The following EGFR variants were observed in gnomAD, a reference collection of about 807,000 sequenced individuals.
EGFR encodes the protein epidermal growth factor receptor.
EGFR carries 58 observed loss-of-function variants against 143.0 expected under a neutral mutation model. The observed-to-expected ratio is 0.41, with a 90% confidence interval of 0.33 to 0.50. The LOEUF (loss-of-function observed/expected upper bound fraction) is 0.50. EGFR is among the 20% of genes least tolerant of loss of function. The pLI is 0.39. For synonymous variants in EGFR, 613 were observed against 594.4 expected, an observed-to-expected ratio of 1.03 and a Z score of -0.45; for missense variants, 1,307 against 1,579.0, an observed-to-expected ratio of 0.83 and a Z score of 2.92.
rs1443821584 is a variant in EGFR, at chr7:55,166,828, G to A, written c.1880+1391G>A. On this transcript the variant is annotated intron_variant, in intron 15 of 27. Coordinates refer to ENST00000275493, the MANE Select transcript of EGFR (RefSeq NM_005228.5). ...GTGGTGAGGAGGTGGGAGTCACAAT[G>A]GTGGCAGTGTTGGTGGTGAGGAGGT... is the stretch of plus-strand genomic sequence containing the variant. Among the ~76,000 whole-genome samples, 15 of 122,530 alleles carry A rather than the reference G, an allele frequency of 1.2e-4. 1 individual carries two copies. Among genetic ancestry groups the A allele is most frequent in the African/African-American group, 4.3e-4 (14 of 32,830 alleles). The allele number at this position is 122,530 out of a possible 152,430, so 80.4% of individuals were successfully genotyped here. A position where few individuals can be genotyped will look rare whatever the true frequency, so the allele number is the denominator to read the frequency against.
intron 27 of EGFR, 120 bp from the exon 28 acceptor site, chr7:55,205,136 G>C: frequency 3.4e-6 from 5 of 1,485,372 alleles, no homozygotes; most frequent in Non-Finnish European, 4.5e-6. Context: ...CCCTCCCGAG[G>C]CTCCTGCTCC....
intron 22 of EGFR, among the ~76,000 whole-genome samples, chr7:55,197,230 T>G (rs933529150): frequency 1.3e-5 from 2 of 152,236 alleles, no homozygotes; most frequent in African/African-American, 2.4e-5. Context: ...TTCACTTTCC[T>G]GGTTTACTGT....
chr7:55,125,748 C>T (rs934302410), intron 1 of EGFR, among the ~76,000 whole-genome samples: 1 of 152,246 alleles, frequency 6.6e-6, no homozygotes, highest in Non-Finnish European at 1.5e-5. Flanking sequence ...AGCACCTGTG[C>T]GCTACAGGGC....
intron 1 of EGFR, among the ~76,000 whole-genome samples, chr7:55,139,553 T>G (rs1291418902): frequency 6.6e-6 from 1 of 152,164 alleles, no homozygotes; most frequent in Non-Finnish European, 1.5e-5. Flanking sequence ...GAAACAACCT[T>G]ATGTGTTTTC....
In EGFR at chr7:55,157,323, A is replaced by G. The variant is rs17336681; in HGVS notation, c.1208-340A>G. 1.7e-3 allele frequency among the ~76,000 whole-genome samples: 254 copies of G among 152,370 alleles called. 4 individuals carry two copies. Among genetic ancestry groups the G allele is most frequent in the African/African-American group, 5.8e-3 (243 of 41,590 alleles). On this transcript the variant is annotated intron_variant, in intron 10 of 27. Transcript: ENST00000275493. Reference sequence around the variant, plus strand: ...AAGGAAAATTTGTAAAGCTCCTTGTATGTGATACCAGATCCACAATTGGCA... The same window carrying G: ...AAGGAAAATTTGTAAAGCTCCTTGTGTGTGATACCAGATCCACAATTGGCA...
intron 19 of EGFR, chr7:55,181,031 A>C: frequency 1.7e-6 from 1 of 577,752 alleles, no homozygotes; most frequent in Non-Finnish European, 3.1e-6. Flanking sequence ...TGTGCTCCTC[A>C]TGGCCACTGT....
rs2128853258 is a variant in EGFR, at chr7:55,019,273, C to A, written c.-5C>A. On this transcript the variant is annotated 5_prime_UTR_variant, in exon 1 of 28. Transcript: ENST00000275493. ...GAGCCGGAGCGAGCTCTTCGGGGAG[C>A]AGCGATGCGACCCTCCGGGACGGCC... 1 of 1,497,702 alleles carries A rather than the reference C, an allele frequency of 6.7e-7. No homozygotes were observed. The highest frequency in any genetic ancestry group is 1.4e-5 in the African/African-American group (1 of 69,154). 92.8% of individuals were successfully genotyped at this position (1,497,702 alleles called of 1,614,324 possible).
At chr7:55,181,622 TC>T in intron 20 of EGFR, 144 bp downstream of exon 20, 2 of 979,236 alleles carry the variant, frequency 2.0e-6, no homozygotes, top group Non-Finnish European at 3.1e-6. Context: ...TATTTTGGAT[TC>T]AATCAAGTTG....
At chr7:55,156,364 G>T (rs41395746) in intron 8 of EGFR, among the ~76,000 whole-genome samples, 169 bp from the exon 9 acceptor site, 1 of 152,150 alleles carries the variant, frequency 6.6e-6, no homozygotes, top group Non-Finnish European at 1.5e-5. Context: ...CCCCCTTCCC[G>T]CCTGCACTCT....
At position 55,146,805 on chromosome 7, in the gene EGFR, G is replaced by A. The variant is rs1794790129; in HGVS notation, c.559+65G>A. ...ATGGGGGACAGCTCTACAGCACTGG[G>A]GCAGGGGAGAGAAGCCATGTTTAGT... On this transcript the variant is annotated intron_variant, in intron 4 of 27. Transcript: ENST00000275493. The A allele has an allele frequency of 4.4e-6, 7 of 1,607,978 alleles. No homozygotes were observed. In the East Asian group the frequency reaches 1.1e-4, roughly 26 times the overall value.
chr7:55,166,689 TGGTGATGGTGTTGATGGTGGTG>T (rs1562777072), intron 15 of EGFR, among the ~76,000 whole-genome samples: 4 of 135,028 alleles, frequency 3.0e-5, no homozygotes, highest in Non-Finnish European at 6.4e-5. Context: ...ACAATGGTGG[TGGTGATGGTGTTGATGGTGGTG>T]AGGAGGTGGG....
rs2128958356 is a variant in EGFR at position 55,181,318 on chromosome 7, A to G, written c.2309A>G (p.Asp770Gly). The change falls in exon 20 of 28, where the codon GAC becomes GGC. Residue 770 changes from aspartate (D) to glycine (G), a missense_variant. Asp to Gly is a moderately conservative substitution (Grantham distance 94). Transcript: ENST00000275493. Reference sequence around the variant, plus strand: ...GAAGCCTACGTGATGGCCAGCGTGGACAACCCCCACGTGTGCCGCCTGCTG... The same window carrying G: ...GAAGCCTACGTGATGGCCAGCGTGGGCAACCCCCACGTGTGCCGCCTGCTG... ...LDEAYVMASV[D>G]NPHVCRLLGI... The G allele has an allele frequency of 6.2e-7, 1 of 1,614,180 alleles. No homozygotes were observed. The highest frequency in any genetic ancestry group is 8.5e-7 in the Non-Finnish European group (1 of 1,180,036).
chr7:55,085,104 C>A (rs1790677828), intron 1 of EGFR, among the ~76,000 whole-genome samples: 1 of 152,170 alleles, frequency 6.6e-6, no homozygotes, highest in African/African-American at 2.4e-5. Flanking sequence ...AAGGTCAGGG[C>A]ACCAGCAGCC....
intron 1 of EGFR, among the ~76,000 whole-genome samples, chr7:55,101,601 GGCTGAGGCT>G (rs1791831215): frequency 6.6e-6 from 1 of 152,282 alleles, no homozygotes; most frequent in South Asian, 2.1e-4. Context: ...GCACAGCATT[GGCTGAGGCT>G]GCTGCCCTGA....
intron 1 of EGFR, among the ~76,000 whole-genome samples, chr7:55,083,578 G>A (rs557453836): frequency 1.5e-3 from 222 of 152,324 alleles, no homozygotes; most frequent in Non-Finnish European, 2.3e-3. Flanking sequence ...GGCACATGGC[G>A]AGGCACACTG....
chr7:55,053,077 G>A (rs1429727339), intron 1 of EGFR, among the ~76,000 whole-genome samples: 1 of 152,174 alleles, frequency 6.6e-6, no homozygotes, highest in Non-Finnish European at 1.5e-5. Context: ...ATTTGATGAA[G>A]AGATGTTATT....
rs367870311 is a variant in EGFR, at chr7:55,202,622, C to T, written c.3268C>T (p.Pro1090Ser). ...DSIDDTFLPVPEYINQSVPKR... is the reference protein window; with the variant it reads ...DSIDDTFLPVSEYINQSVPKR... ...CATAGACGACACCTTCCTCCCAGTG[C>T]CTGGTGAGTGGCTTGTCTGGAAACA... The change falls in exon 27 of 28, where the codon CCT becomes TCT. Residue 1090 changes from proline (P) to serine (S), a missense_variant. Pro to Ser is a moderately conservative substitution (Grantham distance 74). Transcript: ENST00000275493. 20 of 1,611,204 alleles carry T rather than the reference C, an allele frequency of 1.2e-5. No individual in the cohort carries two copies. Among genetic ancestry groups the T allele is most frequent in the Non-Finnish European group, 1.7e-5 (20 of 1,178,688 alleles).
chr7:55,181,258 C>A (rs368090013), intron 19 of EGFR, 35 bp from the exon 20 acceptor site: 19 of 1,612,778 alleles, frequency 1.2e-5, no homozygotes, highest in Admixed American at 3.3e-5. Flanking sequence ...GGCCACCATG[C>A]GAAGCCACAC....
Position 55,041,487 on chromosome 7 carries a change from T to C in EGFR, c.88+22122T>C, listed in dbSNP as rs561855255. 7.9e-5 allele frequency among the ~76,000 whole-genome samples: 12 copies of C among 152,172 alleles called. No individual in the cohort carries two copies. In the South Asian group the frequency reaches 1.9e-3, roughly 24 times the overall value. ...GTGCCATTTATCCAGCCCATACACA[T>C]CGTACCATGTACAGAGTGGACACCA... On this transcript the variant is annotated intron_variant, in intron 1 of 27. Transcript: ENST00000275493.
Sources: allele counts gnomAD v4.1 joint callset (sites outside exome capture counted in the v4.1 genomes callset), GRCh38; gene constraint gnomAD v4.1.1; transcripts MANE v1.5; gene names NCBI Gene and HGNC (gene_info 2026-07-23, HGNC 2026-07-21).